Variants in ACTN1 observed in about 807,000 individuals in gnomAD.
ACTN1 encodes the protein alpha-actinin-1.
Under a neutral mutation model 119.6 loss-of-function variants are expected in ACTN1, and 30 were observed. That is an observed-to-expected ratio of 0.25 (90% CI 0.19 to 0.34). The LOEUF (loss-of-function observed/expected upper bound fraction) is 0.34. ACTN1 is among the 10% of genes least tolerant of loss of function. The probability of loss-of-function intolerance (pLI) is 1.00; values close to 1 mark genes in which losing one functional copy is unlikely to be tolerated. For synonymous variants in ACTN1, 429 were observed against 472.6 expected, an observed-to-expected ratio of 0.91 and a Z score of 1.20; for missense variants, 764 against 1,223.4, an observed-to-expected ratio of 0.62 and a Z score of 5.60.
In ACTN1 at chr14:68,874,669, T is replaced by G. The variant is rs2140017884; in HGVS notation, c.*190A>C. On this transcript the variant is annotated 3_prime_UTR_variant, in exon 22 of 22. Coordinates refer to ENST00000394419, the MANE Select transcript of ACTN1 (RefSeq NM_001130004.2). ...AGTTTTTTGGTTTTTAACGTAACTT[T>G]TTTTTCTTTTTTGCAGAAAATAATT... 2.1e-6 allele frequency: 1 copy of G among 479,368 alleles called. No individual in the cohort carries two copies. Among genetic ancestry groups the G allele is most frequent in the East Asian group, 3.5e-5 (1 of 28,640 alleles). The allele number at this position is 479,368 out of a possible 1,614,324, so 29.7% of individuals were successfully genotyped here.
intron 3 of ACTN1, among the ~76,000 whole-genome samples, chr14:68,917,217 G>A (rs2034347528): frequency 6.6e-6 from 1 of 152,164 alleles, no homozygotes; most frequent in Admixed American, 6.5e-5. Flanking sequence ...TCCCCTTTAT[G>A]TGTGGAAGCT....
intron 1 of ACTN1, among the ~76,000 whole-genome samples, chr14:68,976,434 T>C (rs2037062851): frequency 6.6e-6 from 1 of 152,130 alleles, no homozygotes. Context: ...CTCCTTAATA[T>C]CACCCTACTG....
intron 8 of ACTN1, among the ~76,000 whole-genome samples, chr14:68,899,189 C>A (rs531264571): frequency 6.9e-6 from 1 of 145,918 alleles, no homozygotes; most frequent in African/African-American, 2.5e-5. Context: ...ACACCTCACA[C>A]CCACAGCACA....
chr14:68,919,395 T>G (rs1453998270), intron 3 of ACTN1, among the ~76,000 whole-genome samples: 5 of 152,258 alleles, frequency 3.3e-5, no homozygotes, highest in South Asian at 4.1e-4. Flanking sequence ...GTGACTTTCT[T>G]TGGCTTCCCA....
rs780115426 is a variant in ACTN1, at chr14:68,880,863, G to A, written c.2080C>T (p.Leu694Phe). ...KIDQLEGDHQ[L>F]IQEALIFDNK... ...TCGAAGATGAGCGCCTCCTGGATGA[G>A]CTGGTGGTCGCCCTCCAGCTGATCA... The change falls in exon 17 of 22, where the codon CTC becomes TTC. Residue 694 changes from leucine (L) to phenylalanine (F), a missense_variant. Physicochemically the swap from Leu to Phe is conservative, Grantham distance 22. Coordinates refer to ENST00000394419, the MANE Select transcript of ACTN1 (RefSeq NM_001130004.2). This position sits in a 1 kb window ranked among gnomAD's most constrained non-coding sequence, Gnocchi z 4.6. 6 of 1,614,182 alleles carry A rather than the reference G, an allele frequency of 3.7e-6. No homozygotes were observed. The highest frequency in any genetic ancestry group is 5.1e-6 in the Non-Finnish European group (6 of 1,180,028).
chr14:68,896,442 G>A (rs2032886994), intron 8 of ACTN1, among the ~76,000 whole-genome samples: 1 of 152,168 alleles, frequency 6.6e-6, no homozygotes, highest in Non-Finnish European at 1.5e-5. Flanking sequence ...CCCGGGAGCA[G>A]AAGGAAAGGC....
intron 2 of ACTN1, among the ~76,000 whole-genome samples, chr14:68,921,807 C>A (rs567006042): frequency 6.6e-6 from 1 of 152,180 alleles, no homozygotes; most frequent in East Asian, 1.9e-4. Flanking sequence ...AACCACAGTT[C>A]TTGTCCTATT....
chr14:68,949,313 G>A (rs1206922785), intron 1 of ACTN1, among the ~76,000 whole-genome samples: 3 of 152,172 alleles, frequency 2.0e-5, no homozygotes. Flanking sequence ...CAAAACACGA[G>A]GAGGTCAGGA....
At position 68,898,482 on chromosome 14, in the gene ACTN1, G is replaced by A. The variant is rs553580888; in HGVS notation, c.762+3995C>T. 2.6e-5 allele frequency among the ~76,000 whole-genome samples: 4 copies of A among 152,328 alleles called. No homozygotes were observed. The South Asian group carries it at 8.3e-4, about 32-fold the overall frequency. On this transcript the variant is annotated intron_variant, in intron 8 of 21. Transcript: ENST00000394419. The stretch of plus-strand genomic sequence containing the variant: ...CCTTTTCATTCCACCATACAAGGTT[G>A]GGCGACAGAAAGACAGTGGAGAGGA...
At chr14:68,918,666 C>A (rs1037659842) in intron 3 of ACTN1, among the ~76,000 whole-genome samples, 3 of 151,634 alleles carry the variant, frequency 2.0e-5, no homozygotes, top group Non-Finnish European at 4.4e-5. Flanking sequence ...GAGGCCGAGG[C>A]GGGCGGATCA....
intron 1 of ACTN1, among the ~76,000 whole-genome samples, chr14:68,968,099 C>A (rs2140657555): frequency 6.6e-6 from 1 of 152,318 alleles, no homozygotes; most frequent in Non-Finnish European, 1.5e-5. Context: ...GAAAAGAGGG[C>A]AGCAGGCAAG....
intron 1 of ACTN1, among the ~76,000 whole-genome samples, chr14:68,947,858 T>C (rs1232697073): frequency 2.0e-5 from 3 of 152,192 alleles, no homozygotes; most frequent in Non-Finnish European, 4.4e-5. Flanking sequence ...CCACAATGCC[T>C]GGTGCTGGAG....
rs1434579517 is a variant in ACTN1, at chr14:68,882,599, C to T, written c.1819-7G>A. 1 of 1,613,886 alleles carries T rather than the reference C, an allele frequency of 6.2e-7. No homozygotes were observed. Among genetic ancestry groups the T allele is most frequent in the Non-Finnish European group, 8.5e-7 (1 of 1,179,874 alleles). On this transcript the variant is annotated splice_polypyrimidine_tract_variant and splice_region_variant and intron_variant, in intron 15 of 21. Coordinates refer to ENST00000394419, the MANE Select transcript of ACTN1 (RefSeq NM_001130004.2). The surrounding 1 kb of genome is among the most constrained non-coding windows in gnomAD (Gnocchi z 4.5). ...GAGGCACCAGCTGCCGCACCTGGGGCAGGAACAACAAGGCGACTTTCAGGA... is the reference window on the plus strand; with the variant it reads ...GAGGCACCAGCTGCCGCACCTGGGGTAGGAACAACAAGGCGACTTTCAGGA...
Position 68,885,355 on chromosome 14 carries a change from CT to C in ACTN1, c.1385+69del. 7 of 1,528,070 alleles carry C rather than the reference CT, an allele frequency of 4.6e-6. No individual in the cohort carries two copies. The highest frequency in any genetic ancestry group is 5.3e-6 in the Non-Finnish European group (6 of 1,136,414). 94.7% of individuals were successfully genotyped at this position (1,528,070 alleles called of 1,614,324 possible). ...CCATCTTCCACGGCCACACCCCCAC[CT>C]CCCCCAGCAGCTGAGAAAGCCCAGC... On this transcript the variant is annotated intron_variant, in intron 12 of 21. Coordinates refer to ENST00000394419, the MANE Select transcript of ACTN1 (RefSeq NM_001130004.2). This position sits in a 1 kb window ranked among gnomAD's most constrained non-coding sequence, Gnocchi z 5.6.
intron 1 of ACTN1, among the ~76,000 whole-genome samples, chr14:68,943,731 G>A (rs1172015151): frequency 6.6e-6 from 1 of 152,146 alleles, no homozygotes; most frequent in Non-Finnish European, 1.5e-5. Flanking sequence ...CACCCACGAG[G>A]CATGCGCCAT....
intron 1 of ACTN1, chr14:68,947,434 A>G (rs936621357): frequency 3.9e-5 from 6 of 152,364 alleles, no homozygotes; most frequent in African/African-American, 1.2e-4. Context: ...ACTCTGCAAG[A>G]CAGATTGTCT....
chr14:68,905,356 C>T (rs184781220), intron 6 of ACTN1, among the ~76,000 whole-genome samples: 4 of 152,332 alleles, frequency 2.6e-5, no homozygotes, highest in East Asian at 1.9e-4. Context: ...GCAACATAAA[C>T]GTAGGTGGAA....
In ACTN1 at chr14:68,879,890, G is replaced by C; in HGVS notation, c.2280+72C>G. 2 of 1,566,118 alleles carry C rather than the reference G, an allele frequency of 1.3e-6. No individual in the cohort carries two copies. Among genetic ancestry groups the C allele is most frequent in the South Asian group, 1.2e-5 (1 of 85,958 alleles). ...CACTTGCATGGCAGCCCACGTCCCGGGGAAGTGCCCTCCAGGGCCCTGGGG... is the reference window on the plus strand; with the variant it reads ...CACTTGCATGGCAGCCCACGTCCCGCGGAAGTGCCCTCCAGGGCCCTGGGG... On this transcript the variant is annotated intron_variant, in intron 18 of 21. Transcript: ENST00000394419. This position sits in a 1 kb window ranked among gnomAD's most constrained non-coding sequence, Gnocchi z 4.9.
chr14:68,885,330 C>CCCAAATA lies in ACTN1; in HGVS notation c.1385+94_1385+95insTATTTGG. The stretch of plus-strand genomic sequence containing the variant: ...GGGCACCCACCTGTACCCACCCTCC[C>CCCAAATA]CATCTTCCACGGCCACACCCCCACC... On this transcript the variant is annotated intron_variant, in intron 12 of 21. Transcript: ENST00000394419. The surrounding 1 kb of genome is among the most constrained non-coding windows in gnomAD (Gnocchi z 5.6). 6.9e-7 allele frequency: 1 copy of CCCAAATA among 1,440,504 alleles called. No homozygotes were observed. The highest frequency in any genetic ancestry group is 9.2e-7 in the Non-Finnish European group (1 of 1,084,764). 89.2% of individuals were successfully genotyped at this position (1,440,504 alleles called of 1,614,324 possible).
Sources: gnomAD v4.1 joint callset for allele counts (sites outside exome capture counted in the v4.1 genomes callset) on GRCh38, gnomAD v4.1.1 for gene constraint, Gnocchi (gnomAD v3.1) non-coding constraint, MANE v1.5 for transcripts, NCBI Gene and HGNC (gene_info 2026-07-23, HGNC 2026-07-21) for gene names.